SETBP1: variants seen among roughly 807,000 people sequenced by gnomAD.
SETBP1 encodes SET-binding protein.
SETBP1 carries 9 observed loss-of-function variants against 101.0 expected under a neutral mutation model. That is an observed-to-expected ratio of 0.09 (90% CI 0.05 to 0.16). SETBP1 has a LOEUF of 0.16. SETBP1 is among the 10% of genes least tolerant of loss of function. SETBP1 has a pLI of 1.00. For synonymous variants in SETBP1, 818 were observed against 788.5 expected (o/e 1.04, Z -0.63); for missense variants, 1,858 against 2,033.8 (o/e 0.91, Z 1.66).
At chr18:44,811,520 C>T (rs1212313496) in intron 2 of SETBP1, among the ~76,000 whole-genome samples, 1 of 152,212 alleles carries the variant, frequency 6.6e-6, no homozygotes, top group East Asian at 1.9e-4. Context: ...ATTCTCTGCC[C>T]TTCTGCTGCT....
At chr18:44,696,317 T>C (rs1421771512) in intron 1 of SETBP1, among the ~76,000 whole-genome samples, 1 of 152,140 alleles carries the variant, frequency 6.6e-6, no homozygotes, top group Non-Finnish European at 1.5e-5. Context: ...GGGGTAATCA[T>C]ATAGACCAGG....
At chr18:45,001,057 C>T (rs933691906) in intron 4 of SETBP1, among the ~76,000 whole-genome samples, 1 of 152,144 alleles carries the variant, frequency 6.6e-6, no homozygotes, top group African/African-American at 2.4e-5. Context: ...TTTGCTCATT[C>T]ATTCATTCAT....
intron 2 of SETBP1, among the ~76,000 whole-genome samples, chr18:44,828,655 G>A (rs1036538340): frequency 1.3e-5 from 2 of 152,224 alleles, no homozygotes; most frequent in African/African-American, 4.8e-5. Context: ...TGTATCTACA[G>A]GGCTGCTGTG....
At chr18:44,824,001 T>C (rs962464617) in intron 2 of SETBP1, among the ~76,000 whole-genome samples, 1 of 152,182 alleles carries the variant, frequency 6.6e-6, no homozygotes, top group African/African-American at 2.4e-5. Flanking sequence ...AGGATGACTG[T>C]TCAGTGTCTT....
At chr18:44,815,395 C>G (rs1411626578) in intron 2 of SETBP1, among the ~76,000 whole-genome samples, 1 of 152,130 alleles carries the variant, frequency 6.6e-6, no homozygotes, top group East Asian at 1.9e-4. Context: ...TACGGGGCAG[C>G]CCGTATCTAC....
At chr18:44,853,050 T>A (rs1459263195) in intron 2 of SETBP1, among the ~76,000 whole-genome samples, 1 of 152,222 alleles carries the variant, frequency 6.6e-6, no homozygotes, top group African/African-American at 2.4e-5. Context: ...GGGCATTTAA[T>A]GTTTGGCCAA....
intron 3 of SETBP1, among the ~76,000 whole-genome samples, chr18:44,904,629 T>C (rs775108937): frequency 6.6e-6 from 1 of 152,186 alleles, no homozygotes; most frequent in South Asian, 2.1e-4. Flanking sequence ...TAACAGCTTA[T>C]CTTAAAAAGA....
chr18:44,738,626 T>G (rs1354978391), intron 2 of SETBP1, among the ~76,000 whole-genome samples: 1 of 151,894 alleles, frequency 6.6e-6, no homozygotes, highest in Non-Finnish European at 1.5e-5. Context: ...ATACAAAAAC[T>G]AGCTGGGTGT....
intron 2 of SETBP1, among the ~76,000 whole-genome samples, chr18:44,839,138 C>T (rs6507588): frequency 0.12 from 18,633 of 151,676 alleles, 1,332 homozygotes; most frequent in East Asian, 0.2. Flanking sequence ...ACAGGATAGA[C>T]AGATGAGAGA....
At chr18:44,802,652 C>T (rs1322359183) in intron 2 of SETBP1, among the ~76,000 whole-genome samples, 2 of 152,112 alleles carry the variant, frequency 1.3e-5, no homozygotes, top group Non-Finnish European at 2.9e-5. Context: ...CACATCATAA[C>T]TGAATCTGCT....
chr18:44,833,108 C>T (rs1004275528), intron 2 of SETBP1, among the ~76,000 whole-genome samples: 5 of 152,180 alleles, frequency 3.3e-5, no homozygotes, highest in African/African-American at 4.8e-5. Flanking sequence ...CTGGGCATGA[C>T]GTAAGCCAAG....
intron 5 of SETBP1, among the ~76,000 whole-genome samples, chr18:45,061,570 C>T (rs990470589): frequency 6.6e-6 from 1 of 152,144 alleles, no homozygotes; most frequent in Admixed American, 6.5e-5. Context: ...TTTGACCTGG[C>T]CTGTGGGACT....
intron 2 of SETBP1, among the ~76,000 whole-genome samples, chr18:44,845,918 G>T (rs687971): frequency 0.32 from 47,900 of 152,056 alleles, 7,561 homozygotes; most frequent in South Asian, 0.38. Flanking sequence ...GGGTAAATAA[G>T]AAGAGGGCAA....
At chr18:44,723,958 G>A (rs372238752) in intron 2 of SETBP1, among the ~76,000 whole-genome samples, 22 of 152,290 alleles carry the variant, frequency 1.4e-4, no homozygotes, top group African/African-American at 5.3e-4. Flanking sequence ...TGAGGGTCTC[G>A]TTTTTAACGA....
rs556411398 is a variant in SETBP1 at position 44,928,915 on chromosome 18, G to A, written c.541-20966G>A. Among the ~76,000 whole-genome samples, 205 of 152,240 alleles carry A rather than the reference G, an allele frequency of 1.3e-3. 1 individual carries two copies. Among genetic ancestry groups the A allele is most frequent in the Middle Eastern group, 3.4e-3 (1 of 294 alleles). ...CTCTGATGGTAGTTTCTTTTGCTGT[G>A]CAGAAGCTCTTTAGTTTAATTAGAT... On this transcript the variant is annotated intron_variant, in intron 3 of 5. Coordinates refer to ENST00000649279, the MANE Select transcript of SETBP1 (RefSeq NM_015559.3).
rs2071325247 is a variant in SETBP1, at chr18:44,950,729, T to A, written c.1389T>A (p.Arg463=). The change falls in exon 4 of 6, where the codon CGT becomes CGA. Residue 463 remains arginine, a synonymous_variant. Transcript: ENST00000649279. Reference sequence around the variant, plus strand: ...CTGAGGGGAATAAGAAGGATCCCCGTGTCCCTAAGTTGAGTAAAATGATAG... The same window carrying A: ...CTGAGGGGAATAAGAAGGATCCCCGAGTCCCTAAGTTGAGTAAAATGATAG... ...SNSEGNKKDP[R]VPKLSKMIEN... is the part of the protein sequence containing the mutation. 2 of 1,614,092 alleles carry A rather than the reference T, an allele frequency of 1.2e-6. No homozygotes were observed. Among genetic ancestry groups the A allele is most frequent in the Non-Finnish European group, 1.7e-6 (2 of 1,180,008 alleles).
rs979688368 is a variant in SETBP1, at chr18:44,950,330, G to T, written c.990G>T (p.Thr330=). 6.2e-7 allele frequency: 1 copy of T among 1,613,910 alleles called. No individual in the cohort carries two copies. The highest frequency in any genetic ancestry group is 1.3e-5 in the African/African-American group (1 of 74,924). Residue 330 remains threonine, a synonymous_variant, in exon 4 of 6, where the codon ACG becomes ACT. Transcript: ENST00000649279. Reference sequence around the variant, plus strand: ...CAAAGGAGCCCCCAGAACCACCTACGGTGGGCAGCAAGAAAAAGTCCAGTA... The same window carrying T: ...CAAAGGAGCCCCCAGAACCACCTACTGTGGGCAGCAAGAAAAAGTCCAGTA... ...GGTKEPPEPP[T]VGSKKKSSKK... is the part of the protein sequence containing the mutation.
intron 2 of SETBP1, among the ~76,000 whole-genome samples, chr18:44,835,276 C>T (rs1327033513): frequency 6.6e-6 from 1 of 152,066 alleles, no homozygotes; most frequent in Non-Finnish European, 1.5e-5. Flanking sequence ...CGAAGAGGCC[C>T]TTGGGTGCGG....
At chr18:44,912,487 T>TTTTG (rs999538387) in intron 3 of SETBP1, among the ~76,000 whole-genome samples, 1 of 152,170 alleles carries the variant, frequency 6.6e-6, no homozygotes, top group Non-Finnish European at 1.5e-5. Context: ...TTTTTGTTTT[T>TTTTG]TTTGTTTGTT....
Sources: gnomAD v4.1 joint callset for allele counts (sites outside exome capture counted in the v4.1 genomes callset) on GRCh38, gnomAD v4.1.1 for gene constraint, MANE v1.5 for transcripts, NCBI Gene and HGNC (gene_info 2026-07-23, HGNC 2026-07-21) for gene names.